The following ACTR3C variants were observed in gnomAD, a reference collection of about 807,000 sequenced individuals.
ACTR3C encodes the protein actin-related protein 3C.
Under a neutral mutation model 26.3 loss-of-function variants are expected in ACTR3C, and 18 were observed. That is an observed-to-expected ratio of 0.68 (90% CI 0.47 to 1.01). ACTR3C has a LOEUF of 1.01. ACTR3C is among the 50% of genes least tolerant of loss of function. The pLI is 0.00. For synonymous variants in ACTR3C, 55 were observed against 94.5 expected, an observed-to-expected ratio of 0.58 and a Z score of 2.42; for missense variants, 184 against 250.7, an observed-to-expected ratio of 0.73 and a Z score of 1.80.
At chr7:150,239,532 C>CTA (rs1339201217), downstream of ACTR3C, among the ~76,000 whole-genome samples, 154 of 121,184 alleles carry the variant, frequency 1.3e-3, 2 homozygotes, top group South Asian at 2.2e-3. Flanking sequence ...CTCTCTCTCT[C>CTA]TCTCTCTCTA....
the ACTR3C span, among the ~76,000 whole-genome samples, chr7:149,943,365 G>A: frequency 6.6e-6 from 1 of 151,418 alleles, no homozygotes; most frequent in African/African-American, 2.4e-5. Flanking sequence ...TGTCAGCTGT[G>A]GCCATTTCAG....
At chr7:149,961,209 T>G in the ACTR3C span, among the ~76,000 whole-genome samples, 4 of 150,890 alleles carry the variant, frequency 2.7e-5, no homozygotes, top group African/African-American at 9.8e-5. Context: ...AGAGAGGAAC[T>G]GTGTGCTCAC....
At chr7:150,293,582 A>G (rs1388555847) in intron 2 of ACTR3C, among the ~76,000 whole-genome samples, 163 bp from the exon 3 acceptor site, 1 of 152,066 alleles carries the variant, frequency 6.6e-6, no homozygotes, top group Non-Finnish European at 1.5e-5. Context: ...ATTCCAATTC[A>G]AACTTGGACA....
chr7:150,220,755 C>A, the ACTR3C span, among the ~76,000 whole-genome samples: 1 of 152,230 alleles, frequency 6.6e-6, no homozygotes, highest in African/African-American at 2.4e-5. Context: ...TCACGCCCTC[C>A]CGCCACCAGG....
the ACTR3C span, among the ~76,000 whole-genome samples, chr7:150,088,592 C>T: frequency 1.8e-4 from 28 of 152,028 alleles, no homozygotes; most frequent in Non-Finnish European, 2.2e-4. Flanking sequence ...ACTTGTGAAA[C>T]GGAGATAACA....
chr7:150,000,904 C>T, the ACTR3C span: 16 of 140,322 alleles, frequency 1.1e-4, 2 homozygotes, highest in Admixed American at 1.1e-3. Context: ...GAGTGACACC[C>T]GCACCCTCCC....
chr7:150,289,041 C>G (rs796311647), intron 4 of ACTR3C, among the ~76,000 whole-genome samples: 1 of 151,250 alleles, frequency 6.6e-6, no homozygotes, highest in African/African-American at 2.4e-5. Context: ...CACAGCCACA[C>G]CTGTGTGTGA....
chr7:150,174,039 T>C, the ACTR3C span, among the ~76,000 whole-genome samples: 1 of 140,526 alleles, frequency 7.1e-6, no homozygotes, highest in South Asian at 2.2e-4. Flanking sequence ...CACATTTTCC[T>C]GTCTTCTTCT....
At chr7:150,007,942 A>G in the ACTR3C span, among the ~76,000 whole-genome samples, 142 of 152,354 alleles carry the variant, frequency 9.3e-4, no homozygotes, top group Middle Eastern at 3.4e-3. Context: ...AAATCTACCT[A>G]GTTCTAAAAT....
intron 6 of ACTR3C, among the ~76,000 whole-genome samples, chr7:150,257,186 A>G (rs1438331881): frequency 1.3e-5 from 2 of 152,254 alleles, no homozygotes; most frequent in South Asian, 2.1e-4. Context: ...CATTAAAAAA[A>G]GACCTTGCAG....
downstream of ACTR3C, chr7:150,244,431 A>T (rs1298952787): frequency 6.6e-6 from 1 of 151,820 alleles, no homozygotes. Context: ...CTTAGTTGTC[A>T]TTCAGTCTGT....
intron 4 of ACTR3C, among the ~76,000 whole-genome samples, chr7:150,287,062 GGT>G (rs1835838049): frequency 1.3e-5 from 2 of 152,106 alleles, no homozygotes; most frequent in Admixed American, 1.3e-4. Context: ...TTGTTAATCT[GGT>G]GTGGAGCTGG....
the ACTR3C span, among the ~76,000 whole-genome samples, chr7:149,928,275 G>T: frequency 6.8e-6 from 1 of 147,138 alleles, no homozygotes; most frequent in Admixed American, 6.8e-5. Context: ...TCAGCTCACT[G>T]CAACCTCCGC....
the ACTR3C span, among the ~76,000 whole-genome samples, chr7:149,911,853 T>C: frequency 6.6e-6 from 1 of 152,016 alleles, no homozygotes; most frequent in South Asian, 2.1e-4. Flanking sequence ...TGTGTATCTT[T>C]GGGCAAGTTA....
the ACTR3C span, among the ~76,000 whole-genome samples, chr7:150,005,662 C>A: frequency 1.3e-5 from 2 of 152,018 alleles, no homozygotes; most frequent in African/African-American, 2.4e-5. Context: ...TTCTTAGGGA[C>A]CTTATCCTTT....
downstream of ACTR3C, chr7:150,246,666 C>T (rs1385089724): frequency 6.6e-6 from 1 of 152,088 alleles, no homozygotes; most frequent in African/African-American, 2.4e-5. Context: ...TTAAATTATC[C>T]TAAATTTACC....
chr7:150,024,297 A>C, the ACTR3C span, among the ~76,000 whole-genome samples: 2 of 152,120 alleles, frequency 1.3e-5, no homozygotes, highest in African/African-American at 4.8e-5. Context: ...GATGGCAGCA[A>C]AACGGGGAGC....
At chr7:150,220,757 G>A in the ACTR3C span, among the ~76,000 whole-genome samples, 3 of 152,304 alleles carry the variant, frequency 2.0e-5, no homozygotes, top group Non-Finnish European at 2.9e-5. Context: ...ACGCCCTCCC[G>A]CCACCAGGGC....
intron 1 of ACTR3C, 131 bp downstream of exon 1, chr7:150,323,338 C>T (rs553262165): frequency 4.2e-4 from 117 of 275,884 alleles, no homozygotes; most frequent in Admixed American, 6.4e-4. Flanking sequence ...TGGCCAGGCC[C>T]CCTGGGCGCG....
Sources: gnomAD v4.1 joint callset for allele counts (sites outside exome capture counted in the v4.1 genomes callset) on GRCh38, gnomAD v4.1.1 for gene constraint, MANE v1.5 for transcripts, NCBI Gene and HGNC (gene_info 2026-07-23, HGNC 2026-07-21) for gene names.